Variants in DNAJC6 observed in about 807,000 individuals in gnomAD.
The protein encoded by DNAJC6 is auxilin.
A neutral mutation model predicts 110.0 loss-of-function variants in DNAJC6; 34 were observed. That is an observed-to-expected ratio of 0.31 (90% CI 0.24 to 0.41). The LOEUF (loss-of-function observed/expected upper bound fraction) is 0.41, where lower values mean the gene tolerates loss of function less well. DNAJC6 is among the 10% of genes least tolerant of loss of function. The probability of loss-of-function intolerance (pLI) is 1.00; values close to 1 mark genes in which losing one functional copy is unlikely to be tolerated. For missense variants in DNAJC6, 1,031 were observed against 1,207.8 expected (o/e 0.85, Z 2.17); for synonymous variants, 406 against 437.2 (o/e 0.93, Z 0.89).
At position 65,408,620 on chromosome 1, in the gene DNAJC6, T is replaced by C. The variant is rs934736221; in HGVS notation, c.2492-21T>C. ...TGTTTAAGAATGAAAACTGTAATGATTTTCAAAAATTATATTGCAGAAGGG... is the reference window on the plus strand; with the variant it reads ...TGTTTAAGAATGAAAACTGTAATGACTTTCAAAAATTATATTGCAGAAGGG... On this transcript the variant is annotated intron_variant, in intron 16 of 18. Coordinates refer to ENST00000371069, the MANE Select transcript of DNAJC6 (RefSeq NM_001256864.2). The C allele has an allele frequency of 2.5e-6, 4 of 1,599,028 alleles. No individual in the cohort carries two copies. In the African/African-American group the frequency reaches 5.5e-5, roughly 22 times the overall value.
At chr1:65,337,259 G>A (rs1645346498) in intron 1 of DNAJC6, among the ~76,000 whole-genome samples, 1 of 147,160 alleles carries the variant, frequency 6.8e-6, no homozygotes, top group Non-Finnish European at 1.5e-5. Flanking sequence ...TCACTGTCTA[G>A]TGCCATTGTT....
chr1:65,341,393 A>G (rs1645388115), intron 1 of DNAJC6, among the ~76,000 whole-genome samples: 1 of 152,090 alleles, frequency 6.6e-6, no homozygotes, highest in African/African-American at 2.4e-5. Context: ...GACCCTTTTT[A>G]TGGTTATTAG....
chr1:65,277,536 A>T (rs1194763560), intron 1 of DNAJC6, among the ~76,000 whole-genome samples: 1 of 152,230 alleles, frequency 6.6e-6, no homozygotes, highest in Non-Finnish European at 1.5e-5. Context: ...TGTAACTTTT[A>T]TTCCAAAGCT....
At chr1:65,329,038 T>C (rs1645265236) in intron 1 of DNAJC6, among the ~76,000 whole-genome samples, 1 of 152,316 alleles carries the variant, frequency 6.6e-6, no homozygotes, top group African/African-American at 2.4e-5. Flanking sequence ...TGCTCATAGA[T>C]AATAAATAAA....
At chr1:65,386,785 A>G (rs747900532) in intron 7 of DNAJC6, 27 bp from the exon 8 acceptor site, 15 of 1,573,700 alleles carry the variant, frequency 9.5e-6, no homozygotes, top group Middle Eastern at 1.7e-4. Context: ...ACTCTCTTTC[A>G]ATGTATATTT....
intron 15 of DNAJC6, among the ~76,000 whole-genome samples, chr1:65,402,546 T>C (rs1646040343): frequency 6.6e-6 from 1 of 152,168 alleles, no homozygotes; most frequent in Non-Finnish European, 1.5e-5. Context: ...CAAGGAGGGG[T>C]TCACTGGACT....
chr1:65,363,833 G>A (rs1243015810), intron 1 of DNAJC6, among the ~76,000 whole-genome samples: 1 of 152,110 alleles, frequency 6.6e-6, no homozygotes, highest in East Asian at 1.9e-4. Flanking sequence ...GGGCCAAAAA[G>A]CGCAATTTTA....
intron 1 of DNAJC6, chr1:65,279,890 G>C (rs867581325): frequency 5.3e-5 from 8 of 152,178 alleles, no homozygotes; most frequent in African/African-American, 1.7e-4. Context: ...TTAATACATA[G>C]AGAAAAGAAG....
In DNAJC6 at chr1:65,392,853, A is replaced by C; in HGVS notation, c.1891A>C (p.Arg631=). The C allele has an allele frequency of 6.6e-7, 1 of 1,515,908 alleles. No individual in the cohort carries two copies. 93.9% of individuals were successfully genotyped at this position (1,515,908 alleles called of 1,614,324 possible). The change falls in exon 12 of 19, where the codon AGA becomes CGA. Residue 631 remains arginine (R), a synonymous_variant. Transcript: ENST00000371069. ...ATSTSASPTL[R]VGEGATFDPF... ...CTCCACCTCTGCGTCTCCAACCCTA[A>C]GAGTGGGAGAAGGTAATTTTTTCTA...
At chr1:65,302,817 G>A (rs1191515562) in intron 1 of DNAJC6, among the ~76,000 whole-genome samples, 1 of 151,414 alleles carries the variant, frequency 6.6e-6, no homozygotes, top group Non-Finnish European at 1.5e-5. Context: ...TTACAGGCGT[G>A]AGCCACCGCG....
Position 65,392,719 on chromosome 1 carries a change from G to A in DNAJC6, c.1757G>A (p.Gly586Glu), listed in dbSNP as rs763088357. 2 of 1,612,812 alleles carry A rather than the reference G, an allele frequency of 1.2e-6. No individual in the cohort carries two copies. Among genetic ancestry groups the A allele is most frequent in the South Asian group, 2.2e-5 (2 of 90,750 alleles). The change falls in exon 12 of 19, where the codon GGG becomes GAG. Residue 586 changes from glycine (G) to glutamate (E), a missense_variant. By Grantham distance (98) the Gly-to-Glu change is moderately conservative. Coordinates refer to ENST00000371069, the MANE Select transcript of DNAJC6 (RefSeq NM_001256864.2). ...TCTGAACTACTGAGTGACCTGTTTG[G>A]GGGTGGAGGTGCAGCTGGTCCCACC... ...TNSELLSDLF[G>E]GGGAAGPTQA...
chr1:65,395,761 T>C (rs1022085611), intron 13 of DNAJC6, among the ~76,000 whole-genome samples: 8 of 152,242 alleles, frequency 5.3e-5, no homozygotes, highest in African/African-American at 1.9e-4. Flanking sequence ...AAATTACATA[T>C]GTGGCCCAAA....
At chr1:65,274,791 T>C (rs1240970778) in intron 1 of DNAJC6, among the ~76,000 whole-genome samples, 1 of 152,256 alleles carries the variant, frequency 6.6e-6, no homozygotes, top group African/African-American at 2.4e-5. Context: ...CCTTGTTTCT[T>C]ATTTGTGTCC....
intron 13 of DNAJC6, among the ~76,000 whole-genome samples, chr1:65,396,213 A>G (rs183639891): frequency 1.3e-5 from 2 of 152,322 alleles, no homozygotes; most frequent in Non-Finnish European, 2.9e-5. Flanking sequence ...CCTCTGAGTC[A>G]TGCTCACTTG....
At chr1:65,357,892 A>G (rs1275614185) in intron 1 of DNAJC6, among the ~76,000 whole-genome samples, 1 of 152,188 alleles carries the variant, frequency 6.6e-6, no homozygotes, top group Non-Finnish European at 1.5e-5. Context: ...AAAACTAATG[A>G]ATGTGGCCGG....
intron 17 of DNAJC6, among the ~76,000 whole-genome samples, 188 bp downstream of exon 17, chr1:65,408,971 C>T (rs1010810961): frequency 2.0e-5 from 3 of 151,720 alleles, no homozygotes; most frequent in African/African-American, 7.3e-5. Context: ...TTAATGAAGG[C>T]TGGGAAGTCC....
intron 18 of DNAJC6, among the ~76,000 whole-genome samples, chr1:65,412,559 C>A (rs1646138093): frequency 6.6e-6 from 1 of 152,180 alleles, no homozygotes; most frequent in African/African-American, 2.4e-5. Flanking sequence ...CATTATGACT[C>A]TCAAAGAACT....
chr1:65,368,222 G>C (rs934921772), intron 4 of DNAJC6, among the ~76,000 whole-genome samples: 1 of 152,142 alleles, frequency 6.6e-6, no homozygotes. Context: ...CTGGACCTTA[G>C]AGCAGGAGAA....
intron 4 of DNAJC6, among the ~76,000 whole-genome samples, chr1:65,373,799 T>G (rs1645732273): frequency 6.6e-6 from 1 of 152,128 alleles, no homozygotes; most frequent in African/African-American, 2.4e-5. Context: ...TAGTCCCAAT[T>G]GTGTATTTTT....
Sources: gnomAD v4.1 joint callset for allele counts (sites outside exome capture counted in the v4.1 genomes callset) on GRCh38, gnomAD v4.1.1 for gene constraint, MANE v1.5 for transcripts, NCBI Gene and HGNC (gene_info 2026-07-23, HGNC 2026-07-21) for gene names.